The following RPS6KB1 variants were observed in gnomAD, a reference collection of about 807,000 sequenced individuals.
The protein encoded by RPS6KB1 is ribosomal protein S6 kinase beta-1.
RPS6KB1 carries 12 observed loss-of-function variants against 70.2 expected under a neutral mutation model. The observed-to-expected ratio is 0.17, with a 90% CI of 0.11 to 0.28. The LOEUF (loss-of-function observed/expected upper bound fraction) is 0.28. Among genes scored for constraint, RPS6KB1 ranks in the 10% least tolerant of loss-of-function variants. The pLI is 1.00. For missense variants in RPS6KB1, 270 were observed against 646.6 expected, an observed-to-expected ratio of 0.42 and a Z score of 6.32; for synonymous variants, 175 against 211.2, an observed-to-expected ratio of 0.83 and a Z score of 1.49.
At chr17:59,933,131 A>T (rs867291829) in intron 7 of RPS6KB1, among the ~76,000 whole-genome samples, 1 of 152,100 alleles carries the variant, frequency 6.6e-6, no homozygotes, top group Non-Finnish European at 1.5e-5. Flanking sequence ...TAATTGTTTC[A>T]AACTCTTAGA....
chr17:59,938,573 GT>G (rs1218408948), intron 12 of RPS6KB1, among the ~76,000 whole-genome samples: 3 of 151,992 alleles, frequency 2.0e-5, no homozygotes, highest in Non-Finnish European at 4.4e-5. Context: ...TATCCCCATA[GT>G]TTCATTGACC....
chr17:59,902,199 G>A (rs970156431), intron 1 of RPS6KB1, among the ~76,000 whole-genome samples: 5 of 149,098 alleles, frequency 3.4e-5, no homozygotes, highest in African/African-American at 1.2e-4. Flanking sequence ...CTGCCTCCTG[G>A]GTTCAAGTAA....
At chr17:59,922,971 A>G (rs2043370262) in intron 4 of RPS6KB1, among the ~76,000 whole-genome samples, 1 of 150,072 alleles carries the variant, frequency 6.7e-6, no homozygotes, top group African/African-American at 2.5e-5. Context: ...GGTTCGAGCA[A>G]TTCTCCTGCC....
rs1343891281 is a variant in RPS6KB1, at chr17:59,950,035, C to G, written c.*3247C>G. ...AAAACATCAATGTCCAAACATCTAC[C>G]TTTTTTCATAGGAGTAGACACTAGC... On this transcript the variant is annotated 3_prime_UTR_variant, in exon 15 of 15. Transcript: ENST00000225577. 6.6e-6 allele frequency: 1 copy of G among 152,334 alleles called. No homozygotes were observed. The allele number at this position is 152,334 out of a possible 1,614,324, so 9.4% of individuals were successfully genotyped here.
intron 5 of RPS6KB1, among the ~76,000 whole-genome samples, chr17:59,929,041 C>A (rs1396876426): frequency 6.6e-6 from 1 of 151,788 alleles, no homozygotes; most frequent in African/African-American, 2.4e-5. Context: ...TCCATGGTGA[C>A]GTTTTTGTCT....
In RPS6KB1 at chr17:59,905,568, G is replaced by A. The variant is rs151313362; in HGVS notation, c.142-4994G>A. On this transcript the variant is annotated intron_variant, in intron 1 of 14. Coordinates refer to ENST00000225577, the MANE Select transcript of RPS6KB1 (RefSeq NM_003161.4). ...TGCCCAGGCTGGAGGGCAATGACAC[G>A]CTCTCAGCTCACTGCAGCCTCCGCC... is the stretch of plus-strand genomic sequence containing the variant. Among the ~76,000 whole-genome samples the A allele has an allele frequency of 8.1e-3, 1,219 of 150,744 alleles. 4 individuals are homozygous for A. Among genetic ancestry groups the A allele is most frequent in the Middle Eastern group, 0.014 (4 of 290 alleles).
intron 12 of RPS6KB1, among the ~76,000 whole-genome samples, chr17:59,939,267 T>G (rs1286994194): frequency 6.6e-6 from 1 of 152,192 alleles, no homozygotes; most frequent in Non-Finnish European, 1.5e-5. Flanking sequence ...GCAGTTATTT[T>G]TATTTTATTT....
chr17:59,903,446 GCCTGGGTGATAGAGTGACAC>G (rs1490456841), intron 1 of RPS6KB1, among the ~76,000 whole-genome samples: 1 of 152,096 alleles, frequency 6.6e-6, no homozygotes, highest in Non-Finnish European at 1.5e-5. Flanking sequence ...CTGCACTCCA[GCCTGGGTGATAGAGTGACAC>G]CCTGTCTCAA....
chr17:59,936,145 A>G, intron 10 of RPS6KB1, 70 bp from the exon 11 acceptor site: 1 of 1,365,020 alleles, frequency 7.3e-7, no homozygotes, highest in Non-Finnish European at 1.0e-6. Flanking sequence ...AGACAAGCAC[A>G]GTCTAAAAAG....
intron 10 of RPS6KB1, 32 bp downstream of exon 10, chr17:59,935,332 A>T: frequency 8.8e-7 from 1 of 1,135,776 alleles, no homozygotes; most frequent in Non-Finnish European, 1.3e-6. Flanking sequence ...TGACACTACA[A>T]GATTCAATGA....
chr17:59,915,049 T>C (rs1292031), intron 4 of RPS6KB1, among the ~76,000 whole-genome samples: 84,537 of 151,114 alleles, frequency 0.56, 25,747 homozygotes, highest in African/African-American at 0.82. Context: ...AGTGCGGTGG[T>C]GCGATGTCGG....
At chr17:59,922,580 A>G (rs976577588) in intron 4 of RPS6KB1, among the ~76,000 whole-genome samples, 3 of 73,588 alleles carry the variant, frequency 4.1e-5, no homozygotes, top group African/African-American at 6.0e-5. Context: ...TTTTTTTGAG[A>G]TGAAGTCAGG....
At chr17:59,897,887 C>T (rs538534301) in intron 1 of RPS6KB1, among the ~76,000 whole-genome samples, 64 of 151,702 alleles carry the variant, frequency 4.2e-4, no homozygotes, top group African/African-American at 1.5e-3. Flanking sequence ...ATCTCTTGAA[C>T]CTGGGAGGTG....
chr17:59,902,877 G>GCC (rs2042040951), intron 1 of RPS6KB1, among the ~76,000 whole-genome samples: 1 of 151,994 alleles, frequency 6.6e-6, no homozygotes, highest in Non-Finnish European at 1.5e-5. Flanking sequence ...CTCCTCGCCT[G>GCC]GCCTGAATAA....
At chr17:59,923,952 AC>A (rs1210901135) in intron 4 of RPS6KB1, among the ~76,000 whole-genome samples, 2 of 152,202 alleles carry the variant, frequency 1.3e-5, no homozygotes, top group Non-Finnish European at 2.9e-5. Context: ...CCAGCTACAA[AC>A]CTACTAAGTT....
chr17:59,915,784 T>TA (rs34124078), intron 4 of RPS6KB1, among the ~76,000 whole-genome samples: 7,000 of 131,258 alleles, frequency 0.053, 257 homozygotes, highest in African/African-American at 0.081. Flanking sequence ...TCTTTTTTTT[T>TA]TTTTTTTTTT....
rs2045158775 is a variant in RPS6KB1, at chr17:59,950,546, AAACT to A, written c.*3760_*3763del. 1 of 152,308 alleles carries A rather than the reference AAACT, an allele frequency of 6.6e-6. No individual in the cohort carries two copies. Among genetic ancestry groups the A allele is most frequent in the Non-Finnish European group, 1.5e-5 (1 of 67,960 alleles). 9.4% of individuals were successfully genotyped at this position (152,308 alleles called of 1,614,324 possible). ...GATGTGTTCAAGTTGTCATATAAAT[AAACT>A]ATGTATGTAAGGAATGGGTTAAAAG... On this transcript the variant is annotated 3_prime_UTR_variant, in exon 15 of 15. Transcript: ENST00000225577.
Position 59,947,629 on chromosome 17 carries a change from A to T in RPS6KB1, c.*841A>T. 2.5e-6 allele frequency: 3 copies of T among 1,189,944 alleles called. No homozygotes were observed. Among genetic ancestry groups the T allele is most frequent in the Non-Finnish European group, 3.7e-6 (3 of 815,764 alleles). The allele number at this position is 1,189,944 out of a possible 1,614,324, so 73.7% of individuals were successfully genotyped here. The stretch of plus-strand genomic sequence containing the variant: ...CTTAACTGGAAGCCTTGGAATGGGC[A>T]TAAGTTGTATGTCCTACATTTCATC... On this transcript the variant is annotated 3_prime_UTR_variant, in exon 15 of 15. Coordinates refer to ENST00000225577, the MANE Select transcript of RPS6KB1 (RefSeq NM_003161.4).
intron 4 of RPS6KB1, among the ~76,000 whole-genome samples, chr17:59,922,312 A>C (rs1210097653): frequency 6.6e-6 from 1 of 151,940 alleles, no homozygotes; most frequent in Non-Finnish European, 1.5e-5. Flanking sequence ...AAGTGTTGAG[A>C]TTACAGACTT....
Sources: allele counts gnomAD v4.1 joint callset (sites outside exome capture counted in the v4.1 genomes callset), GRCh38; gene constraint gnomAD v4.1.1; transcripts MANE v1.5; gene names NCBI Gene and HGNC (gene_info 2026-07-23, HGNC 2026-07-21).